The following ALDH9A1 variants were observed in gnomAD, a reference collection of about 807,000 sequenced individuals.
The protein encoded by ALDH9A1 is aldehyde dehydrogenase 9 family member A1, also known as 4-trimethylaminobutyraldehyde dehydrogenase.
A neutral mutation model predicts 56.6 loss-of-function variants in ALDH9A1; 42 were observed. The ratio of observed to expected loss-of-function variants is 0.74; its 90% confidence interval spans 0.58 to 0.96. The LOEUF is 0.96. Ranked by LOEUF, ALDH9A1 falls within the 40% of genes least tolerant of loss-of-function variation. The pLI is 0.00. For synonymous variants in ALDH9A1, 242 were observed against 236.0 expected (o/e 1.03, Z -0.23); for missense variants, 661 against 651.5 (o/e 1.01, Z -0.16).
At chr1:165,667,483 C>G in intron 8 of ALDH9A1, 33 bp from the exon 9 acceptor site, 1 of 1,609,568 alleles carries the variant, frequency 6.2e-7, no homozygotes, top group Admixed American at 1.7e-5. Context: ...TCCTGAGCAG[C>G]TGGGACCACA....
chr1:165,671,792 T>C, intron 6 of ALDH9A1: 1 of 253,720 alleles, frequency 3.9e-6, no homozygotes, highest in Non-Finnish European at 7.9e-6. Context: ...AAAAAAAGAA[T>C]GCAACATTTC....
chr1:165,698,535 G>A lies in ALDH9A1; in HGVS notation c.24C>T (p.Ala8=), dbSNP rs900210051. 11 of 1,609,180 alleles carry A rather than the reference G, an allele frequency of 6.8e-6. No individual in the cohort carries two copies. The highest frequency in any genetic ancestry group is 1.7e-4 in the Middle Eastern group (1 of 5,994). MFLRAGL[A]ALSPLLRSLR... The stretch of plus-strand genomic sequence containing the variant: ...GACTGCGAAGAAGCGGGGAGAGCGC[G>A]GCCAGGCCTGCTCGGAGAAACATGA... Residue 8 remains alanine, a synonymous_variant, in exon 1 of 11, where the codon GCC becomes GCT. Transcript: ENST00000354775.
intron 6 of ALDH9A1, among the ~76,000 whole-genome samples, chr1:165,677,518 C>T (rs994616981): frequency 7.2e-5 from 11 of 152,052 alleles, no homozygotes; most frequent in African/African-American, 2.4e-4. Context: ...ATCAAAAGGT[C>T]ACGGAAAGGG....
rs1349941384 is a variant in ALDH9A1 at position 165,698,475 on chromosome 1, G to A, written c.84C>T (p.Gly28=). Residue 28 remains glycine (G), a synonymous_variant, in exon 1 of 11, where the codon GGC becomes GGT. Transcript: ENST00000354775. ...TGAGCGGCTGCGACACGACGAAGGT[G>A]CCAGTGCTCATGGCGGCGACAGGAG... is the stretch of plus-strand genomic sequence containing the variant. ...RPSPVAAMST[G]TFVVSQPLNY... 8.7e-6 allele frequency: 14 copies of A among 1,608,752 alleles called. No homozygotes were observed. The highest frequency in any genetic ancestry group is 1.1e-5 in the Non-Finnish European group (13 of 1,178,038).
intron 10 of ALDH9A1, among the ~76,000 whole-genome samples, chr1:165,663,975 G>A (rs1312511401): frequency 6.6e-6 from 1 of 152,150 alleles, no homozygotes; most frequent in African/African-American, 2.4e-5. Context: ...AAGTTAGGAG[G>A]CCCTCCAAAG....
At position 165,669,264 on chromosome 1, in the gene ALDH9A1, G is replaced by C. The variant is rs373358355; in HGVS notation, c.1117C>G (p.Gln373Glu). ...CCCTACTGCCAATTATTTCTTACCT[G>C]CTCCTTTGCCACTTTGACAAACCCA... ...VLGFVKVAKE[Q>E]GAKVLCGGDI... Residue 373 changes from glutamine to glutamate, a missense_variant and splice_region_variant, in exon 7 of 11, where the codon CAG (glutamine) becomes GAG (glutamate). Gln to Glu is a conservative substitution (Grantham distance 29). Coordinates refer to ENST00000354775, the MANE Select transcript of ALDH9A1 (RefSeq NM_000696.4). 1.8e-5 allele frequency: 29 copies of C among 1,600,618 alleles called. No homozygotes were observed. Among genetic ancestry groups the C allele is most frequent in the Non-Finnish European group, 2.2e-5 (26 of 1,174,260 alleles).
intron 2 of ALDH9A1, among the ~76,000 whole-genome samples, chr1:165,692,744 C>A (rs966179161): frequency 2.2e-4 from 33 of 150,696 alleles, no homozygotes; most frequent in African/African-American, 6.3e-4. Context: ...CAAAAAAGAG[C>A]CTGCATTGCC....
chr1:165,679,592 C>T lies in ALDH9A1; in HGVS notation c.790-10G>A. The stretch of plus-strand genomic sequence containing the variant: ...CTGACATCTCCATGATCTTGCAGAA[C>T]AAGGACAAGGTATTCAGAACTTTAA... On this transcript the variant is annotated splice_polypyrimidine_tract_variant and intron_variant, in intron 5 of 10. Transcript: ENST00000354775. The T allele has an allele frequency of 3.1e-6, 5 of 1,614,104 alleles. No individual in the cohort carries two copies. Among genetic ancestry groups the T allele is most frequent in the Non-Finnish European group, 4.2e-6 (5 of 1,179,994 alleles).
At chr1:165,691,374 T>C (rs1045135702) in intron 2 of ALDH9A1, among the ~76,000 whole-genome samples, 8 of 152,096 alleles carry the variant, frequency 5.3e-5, no homozygotes, top group East Asian at 1.9e-4. Context: ...CAAAACCCCA[T>C]ATGTAGGTCA....
intron 6 of ALDH9A1, chr1:165,676,586 C>A: frequency 3.7e-6 from 1 of 273,438 alleles, no homozygotes; most frequent in Non-Finnish European, 7.0e-6. Flanking sequence ...GCACATTGAG[C>A]ACATTAAGCG....
chr1:165,664,896 G>T, intron 10 of ALDH9A1, 122 bp downstream of exon 10: 1 of 737,506 alleles, frequency 1.4e-6, no homozygotes, highest in South Asian at 1.8e-5. Flanking sequence ...GAAGGACCAG[G>T]AACCTGTATT....
Position 165,683,095 on chromosome 1 carries a change from T to C in ALDH9A1, c.343A>G (p.Ile115Val), listed in dbSNP as rs1649604559. ...TTGTTGATGCACTCCATAGTAGCAA[T>C]TTCATCCTCCCGTTCCTTTGGGTAA... is the stretch of plus-strand genomic sequence containing the variant. Reference protein sequence around the residue: ...ARIIREREDEIATMECINNGK... With the variant: ...ARIIREREDEVATMECINNGK... Residue 115 changes from isoleucine (I) to valine (V), a missense_variant, in exon 3 of 11, where the codon ATT becomes GTT. Transcript: ENST00000354775. The C allele has an allele frequency of 6.2e-7, 1 of 1,614,060 alleles. No homozygotes were observed. The highest frequency in any genetic ancestry group is 8.5e-7 in the Non-Finnish European group (1 of 1,179,950).
chr1:165,687,929 A>G (rs1016779409), intron 2 of ALDH9A1, among the ~76,000 whole-genome samples: 1 of 152,044 alleles, frequency 6.6e-6, no homozygotes, highest in Non-Finnish European at 1.5e-5. Context: ...CGGAGGTTGC[A>G]GTGAGCCGAG....
In ALDH9A1 at chr1:165,662,903, G is replaced by C. The variant is rs917929232; in HGVS notation, c.*147C>G. On this transcript the variant is annotated 3_prime_UTR_variant, in exon 11 of 11. Coordinates refer to ENST00000354775, the MANE Select transcript of ALDH9A1 (RefSeq NM_000696.4). ...CATTTTCAGTGAGGAAGCTGATGGA[G>C]AGAGAAAGAGTAACATGAACCATTC... The C allele has an allele frequency of 1.1e-5, 7 of 658,172 alleles. No individual in the cohort carries two copies. The African/African-American group carries it at 1.3e-4, about 12-fold the overall frequency. 40.8% of individuals were successfully genotyped at this position (658,172 alleles called of 1,614,324 possible).
Position 165,682,978 on chromosome 1 carries a change from T to TA in ALDH9A1, c.457+2dup. 6.2e-7 allele frequency: 1 copy of TA among 1,613,662 alleles called. No homozygotes were observed. Among genetic ancestry groups the TA allele is most frequent in the Non-Finnish European group, 8.5e-7 (1 of 1,179,794 alleles). On this transcript the variant is annotated splice_region_variant and intron_variant, in intron 3 of 10. Coordinates refer to ENST00000354775, the MANE Select transcript of ALDH9A1 (RefSeq NM_000696.4). ...TGGTCACAGACACCAGGTGAGGACTTACCAGCCATGGATGCAGCCAAGCCC... is the reference window on the plus strand; with the variant it reads ...TGGTCACAGACACCAGGTGAGGACTTAACCAGCCATGGATGCAGCCAAGCCC...
intron 2 of ALDH9A1, among the ~76,000 whole-genome samples, chr1:165,689,539 T>C (rs1649819623): frequency 6.6e-6 from 1 of 152,160 alleles, no homozygotes; most frequent in Non-Finnish European, 1.5e-5. Context: ...ATCTCAGAAG[T>C]TTAGGGTTCT....
intron 1 of ALDH9A1, among the ~76,000 whole-genome samples, chr1:165,698,054 C>T (rs1328157638): frequency 6.6e-6 from 1 of 151,954 alleles, no homozygotes; most frequent in African/African-American, 2.4e-5. Context: ...AACAAACAAA[C>T]AAACAAAACA....
At chr1:165,668,650 T>C (rs1649079608) in intron 8 of ALDH9A1, 2 of 259,100 alleles carry the variant, frequency 7.7e-6, no homozygotes, top group East Asian at 1.5e-4. Flanking sequence ...TTTATTAATT[T>C]TTTTAATCAA....
In ALDH9A1 at chr1:165,683,119, AAAGCAG is replaced by A. The variant is rs776000652; in HGVS notation, c.328-15_328-10del. On this transcript the variant is annotated splice_polypyrimidine_tract_variant and intron_variant, in intron 2 of 10. Transcript: ENST00000354775. ...ATTTCATCCTCCCGTTCCTTTGGGTAAAGCAGAAGACTAGATTTAAGACATATTCCA... is the reference window on the plus strand; with the variant it reads ...ATTTCATCCTCCCGTTCCTTTGGGTAAAGACTAGATTTAAGACATATTCCA... 60 of 1,613,548 alleles carry A rather than the reference AAAGCAG, an allele frequency of 3.7e-5. No individual in the cohort carries two copies. The highest frequency in any genetic ancestry group is 4.7e-5 in the Non-Finnish European group (55 of 1,179,678).
Sources: gnomAD v4.1 joint callset for allele counts (sites outside exome capture counted in the v4.1 genomes callset) on GRCh38, gnomAD v4.1.1 for gene constraint, MANE v1.5 for transcripts, NCBI Gene and HGNC (gene_info 2026-07-23, HGNC 2026-07-21) for gene names.